Variants in RSRP1 observed in about 807,000 individuals in gnomAD.
RSRP1 encodes the protein arginine and serine rich protein 1, also known as arginine/serine-rich protein 1.
A neutral mutation model predicts 33.0 loss-of-function variants in RSRP1; 37 were observed. That is an observed-to-expected ratio of 1.12 (90% CI 0.86 to 1.48). The LOEUF (loss-of-function observed/expected upper bound fraction) is 1.48. RSRP1 is among the 40% of genes most tolerant of loss of function. The probability of loss-of-function intolerance (pLI) is 0.00; values close to 1 mark genes in which losing one functional copy is unlikely to be tolerated. For synonymous variants in RSRP1, 167 were observed against 158.7 expected, an observed-to-expected ratio of 1.05 and a Z score of -0.40; for missense variants, 402 against 385.3, an observed-to-expected ratio of 1.04 and a Z score of -0.36.
At chr1:25,302,266 C>T (rs111684541) in intron 1 of RSRP1, among the ~76,000 whole-genome samples, 1,296 of 129,542 alleles carry the variant, frequency 0.01, 206 homozygotes, top group African/African-American at 0.033. Context: ...GTGTGTGAGT[C>T]TTGTGGGCAG....
intron 1 of RSRP1, among the ~76,000 whole-genome samples, chr1:25,266,522 A>G (rs1640315252): frequency 7.8e-6 from 1 of 128,658 alleles, no homozygotes; most frequent in Non-Finnish European, 1.8e-5. Flanking sequence ...AACAGGCTAT[A>G]GATTGTATCA....
intron 1 of RSRP1, among the ~76,000 whole-genome samples, chr1:25,333,241 CA>C (rs1460288489): frequency 1.5e-5 from 2 of 132,184 alleles, no homozygotes; most frequent in East Asian, 3.9e-4. Context: ...CCCTCACAGA[CA>C]CACTAACAAA....
intron 1 of RSRP1, among the ~76,000 whole-genome samples, chr1:25,312,929 A>AAAAAAAAAC (rs1644231966): frequency 1.2e-5 from 1 of 86,846 alleles, no homozygotes; most frequent in Non-Finnish European, 2.8e-5. Context: ...CTAAAAAAAA[A>AAAAAAAAAC]AAAAAAAAAA....
intron 1 of RSRP1, among the ~76,000 whole-genome samples, chr1:25,276,745 G>A (rs1641032687): frequency 7.7e-6 from 1 of 130,234 alleles, no homozygotes; most frequent in Non-Finnish European, 1.8e-5. Context: ...GGTGAAGCGA[G>A]GCTGTAATAA....
chr1:25,258,678 T>C (rs977637965), intron 1 of RSRP1, among the ~76,000 whole-genome samples: 12 of 152,218 alleles, frequency 7.9e-5, no homozygotes, highest in African/African-American at 2.9e-4. Flanking sequence ...TACTGCTTTA[T>C]GTAATAAAAA....
Position 25,333,163 on chromosome 1 carries a change from A to G in RSRP1, c.-67+4815T>C, listed in dbSNP as rs603906. On this transcript the variant is annotated intron_variant, in intron 1 of 1. Coordinates refer to the RSRP1 transcript ENST00000561867. Reference sequence around the variant, plus strand: ...TTTCTTCCGTTTTTGTTCCAAGCCAACTGCACGTTGAGGGCGGATGGTTCC... The same window carrying G: ...TTTCTTCCGTTTTTGTTCCAAGCCAGCTGCACGTTGAGGGCGGATGGTTCC... 1.5e-5 allele frequency among the ~76,000 whole-genome samples: 2 copies of G among 131,954 alleles called. 1 individual carries two copies. Among genetic ancestry groups the G allele is most frequent in the Non-Finnish European group, 3.6e-5 (2 of 55,848 alleles). 86.6% of individuals were successfully genotyped at this position (131,954 alleles called of 152,430 possible). A position where few individuals can be genotyped will look rare whatever the true frequency, so the allele number is the denominator to read the frequency against.
chr1:25,257,597 ATTT>A (rs71712758), intron 1 of RSRP1, among the ~76,000 whole-genome samples: 7 of 131,176 alleles, frequency 5.3e-5, no homozygotes, highest in Admixed American at 2.3e-4. Context: ...GGAGATGCAG[ATTT>A]TTTTTTTTTT....
At chr1:25,287,535 C>T (rs1642137776) in intron 1 of RSRP1, among the ~76,000 whole-genome samples, 2 of 134,478 alleles carry the variant, frequency 1.5e-5, no homozygotes, top group Admixed American at 1.4e-4. Flanking sequence ...GGGGTACTCT[C>T]CCTTGGCAAC....
intron 1 of RSRP1, among the ~76,000 whole-genome samples, chr1:25,295,835 G>C (rs556184255): frequency 8.8e-6 from 1 of 113,502 alleles, no homozygotes; most frequent in African/African-American, 2.9e-5. Flanking sequence ...AATGGTCTGG[G>C]AGGGAATATG....
chr1:25,246,360 C>G, intron 2 of RSRP1, 84 bp downstream of exon 2: 1 of 1,538,726 alleles, frequency 6.5e-7, no homozygotes, highest in Non-Finnish European at 8.8e-7. Context: ...AATATTGAAA[C>G]TACACAGCAA....
chr1:25,287,648 A>G (rs1642151099), intron 1 of RSRP1, among the ~76,000 whole-genome samples: 1 of 135,606 alleles, frequency 7.4e-6, no homozygotes, highest in Non-Finnish European at 1.8e-5. Flanking sequence ...TTTTCCTCAC[A>G]TACTGATAAC....
intron 1 of RSRP1, among the ~76,000 whole-genome samples, chr1:25,293,023 T>C (rs925637300): frequency 2.3e-5 from 3 of 128,728 alleles, no homozygotes; most frequent in African/African-American, 8.1e-5. Context: ...TCAAGTCGGA[T>C]GAGGGCTGGG....
In RSRP1 at chr1:25,300,394, C is replaced by G. The variant is rs1234595847; in HGVS notation, c.-67+37584G>C. 1.5e-5 allele frequency among the ~76,000 whole-genome samples: 2 copies of G among 130,152 alleles called. 1 individual carries two copies. The highest frequency in any genetic ancestry group is 5.3e-5 in the African/African-American group (2 of 37,630). The allele number at this position is 130,152 out of a possible 152,430, so 85.4% of individuals were successfully genotyped here. On this transcript the variant is annotated intron_variant, in intron 1 of 1. Transcript: ENST00000561867. ...AGGCATGGTTGTACATTCCTGTAAT[C>G]CCAGCTACTCAGGAGGCTGAGGTGG... is the stretch of plus-strand genomic sequence containing the variant.
chr1:25,280,605 C>CTT lies in RSRP1; in HGVS notation c.-66-33578_-66-33577dup, dbSNP rs71014346. Among the ~76,000 whole-genome samples, 382 of 60,740 alleles carry CTT rather than the reference C, an allele frequency of 6.3e-3. 18 individuals are homozygous for CTT. The highest frequency in any genetic ancestry group is 0.017 in the African/African-American group (368 of 21,268). The allele number at this position is 60,740 out of a possible 152,430, so 39.8% of individuals were successfully genotyped here. The stretch of plus-strand genomic sequence containing the variant: ...ACAGACATAAGCCACTGTGCCTGGC[C>CTT]TTTTTTTTTTTTTTTTTTTTGTAAA... On this transcript the variant is annotated intron_variant, in intron 1 of 1. Coordinates refer to the RSRP1 transcript ENST00000561867.
intron 1 of RSRP1, among the ~76,000 whole-genome samples, chr1:25,255,198 C>T (rs574367340): frequency 7.9e-5 from 12 of 152,226 alleles, no homozygotes; most frequent in African/African-American, 2.9e-4. Context: ...AACAGAAAAA[C>T]GAGAAATACT....
rs766165102 is a variant in RSRP1 at position 25,245,226 on chromosome 1, G to A, written c.596C>T (p.Ala199Val). 6 of 1,614,034 alleles carry A rather than the reference G, an allele frequency of 3.7e-6. No individual in the cohort carries two copies. The East Asian group carries it at 1.3e-4, about 36-fold the overall frequency. The part of the protein sequence containing the change: ...ALGTTNIDLP[A>V]SLRTVPSAKE... Reference sequence around the variant, plus strand: ...GGCTGAAGGAACAGTTCTGAGACTAGCTGGCAAGTCAATGTTGGTTGTTCC... The same window carrying A: ...GGCTGAAGGAACAGTTCTGAGACTAACTGGCAAGTCAATGTTGGTTGTTCC... The change falls in exon 3 of 5, where the codon GCT becomes GTT. Residue 199 changes from alanine to valine, a missense_variant. Coordinates refer to ENST00000243189, the MANE Select transcript of RSRP1 (RefSeq NM_020317.5).
At chr1:25,248,195 A>T (rs558990715), upstream of RSRP1, 3 of 148,450 alleles carry the variant, frequency 2.0e-5, no homozygotes, top group Non-Finnish European at 4.4e-5. Context: ...TGGGGATAAT[A>T]ATGAAGTCTG....
In RSRP1 at chr1:25,282,764, C is replaced by T. The variant is rs1201418631; in HGVS notation, c.-66-35735G>A. 7.7e-5 allele frequency among the ~76,000 whole-genome samples: 10 copies of T among 130,030 alleles called. 1 individual carries two copies. The highest frequency in any genetic ancestry group is 3.9e-4 in the East Asian group (2 of 5,074). The allele number at this position is 130,030 out of a possible 152,430, so 85.3% of individuals were successfully genotyped here. On this transcript the variant is annotated intron_variant, in intron 1 of 1. Coordinates refer to the RSRP1 transcript ENST00000561867. Reference sequence around the variant, plus strand: ...AAAATTAGCCAGGCGTGGTGGCGCGCGCCTGTGGTTCCCACTGAAGCACAG... The same window carrying T: ...AAAATTAGCCAGGCGTGGTGGCGCGTGCCTGTGGTTCCCACTGAAGCACAG...
At chr1:25,299,072 T>TAAAAA (rs34867414) in intron 1 of RSRP1, among the ~76,000 whole-genome samples, 6 of 40,864 alleles carry the variant, frequency 1.5e-4, no homozygotes, top group Non-Finnish European at 2.3e-4. Context: ...CACATGGTGA[T>TAAAAA]AAAAAAAAAA....
Sources: gnomAD v4.1 joint callset for allele counts (sites outside exome capture counted in the v4.1 genomes callset) on GRCh38, gnomAD v4.1.1 for gene constraint, MANE v1.5 for transcripts, NCBI Gene and HGNC (gene_info 2026-07-23, HGNC 2026-07-21) for gene names.